CNTNAP5: variants seen among roughly 807,000 people sequenced by gnomAD.
CNTNAP5 encodes contactin-associated protein-like 5.
A neutral mutation model predicts 150.2 loss-of-function variants in CNTNAP5; 72 were observed. The ratio of observed to expected loss-of-function variants is 0.48; its 90% CI spans 0.40 to 0.58. The LOEUF is 0.58. CNTNAP5 is among the 20% of genes least tolerant of loss of function. The probability of loss-of-function intolerance (pLI) is 0.00; values close to 1 mark genes in which losing one functional copy is unlikely to be tolerated. For synonymous variants in CNTNAP5, 672 were observed against 619.8 expected, an observed-to-expected ratio of 1.08 and a Z score of -1.25; for missense variants, 1,636 against 1,626.2, an observed-to-expected ratio of 1.01 and a Z score of -0.10.
intron 10 of CNTNAP5, among the ~76,000 whole-genome samples, chr2:124,531,521 G>C (rs911482593): frequency 6.6e-6 from 1 of 152,220 alleles, no homozygotes; most frequent in Admixed American, 6.5e-5. Flanking sequence ...GGCACTGAGA[G>C]AGTGAGACTG....
At chr2:124,807,258 T>C (rs955385160) in intron 19 of CNTNAP5, among the ~76,000 whole-genome samples, 15 of 152,176 alleles carry the variant, frequency 9.9e-5, no homozygotes, top group Admixed American at 9.8e-4. Flanking sequence ...AATAAGTAGT[T>C]TGACCTCTCG....
chr2:124,234,662 C>A (rs1365198147), intron 2 of CNTNAP5, among the ~76,000 whole-genome samples: 1 of 152,074 alleles, frequency 6.6e-6, no homozygotes, highest in Non-Finnish European at 1.5e-5. Flanking sequence ...CTTCCCAGCC[C>A]AGACTGCCCT....
chr2:124,829,599 T>TA (rs377489033), intron 19 of CNTNAP5, among the ~76,000 whole-genome samples: 64 of 148,556 alleles, frequency 4.3e-4, no homozygotes, highest in Middle Eastern at 3.4e-3. Flanking sequence ...AATTAGAAAT[T>TA]AAAAAAAAAA....
intron 12 of CNTNAP5, among the ~76,000 whole-genome samples, chr2:124,623,391 G>A (rs1391333151): frequency 6.6e-6 from 1 of 152,134 alleles, no homozygotes; most frequent in African/African-American, 2.4e-5. Context: ...AATGTTTGAA[G>A]GGCATGGTTG....
chr2:124,867,167 A>G (rs1677650220), intron 20 of CNTNAP5, among the ~76,000 whole-genome samples: 1 of 152,136 alleles, frequency 6.6e-6, no homozygotes. Flanking sequence ...CCCAAAGCCT[A>G]AAACAAATAA....
chr2:124,109,520 C>T (rs75040339), intron 1 of CNTNAP5, among the ~76,000 whole-genome samples: 7,657 of 152,272 alleles, frequency 0.05, 289 homozygotes, highest in South Asian at 0.15. Context: ...AGATAACAAG[C>T]GTATCCTGGA....
At chr2:124,370,871 CAA>C (rs1690507250) in intron 3 of CNTNAP5, among the ~76,000 whole-genome samples, 1 of 152,056 alleles carries the variant, frequency 6.6e-6, no homozygotes. Context: ...TTATGTGACA[CAA>C]GAGTTGTCAG....
At chr2:124,593,391 T>A (rs1199042406) in intron 11 of CNTNAP5, among the ~76,000 whole-genome samples, 2 of 107,878 alleles carry the variant, frequency 1.9e-5, no homozygotes, top group African/African-American at 7.0e-5. Context: ...CGGTGTTTGG[T>A]TTTTTGTTCT....
At chr2:124,637,627 A>G (rs1209268578) in intron 12 of CNTNAP5, among the ~76,000 whole-genome samples, 1 of 152,124 alleles carries the variant, frequency 6.6e-6, no homozygotes, top group African/African-American at 2.4e-5. Flanking sequence ...TTTCCTCCCA[A>G]TATGGTAGGG....
chr2:124,537,021 G>GGTGTGTGT (rs1041910395), intron 10 of CNTNAP5, among the ~76,000 whole-genome samples: 1 of 151,312 alleles, frequency 6.6e-6, no homozygotes, highest in African/African-American at 2.4e-5. Flanking sequence ...GACAATGTGT[G>GGTGTGTGT]GTGTGTGTGT....
At chr2:124,706,253 A>G (rs1435011436) in intron 13 of CNTNAP5, among the ~76,000 whole-genome samples, 1 of 152,146 alleles carries the variant, frequency 6.6e-6, no homozygotes, top group African/African-American at 2.4e-5. Context: ...AGAAAAAAAA[A>G]GACAGAATTT....
chr2:124,341,538 T>A (rs1355358518), intron 3 of CNTNAP5, among the ~76,000 whole-genome samples: 1 of 152,182 alleles, frequency 6.6e-6, no homozygotes, highest in Admixed American at 6.5e-5. Flanking sequence ...TTTCTGGGAC[T>A]AGGTTGGTCC....
At chr2:124,650,455 C>T (rs1295638420) in intron 13 of CNTNAP5, among the ~76,000 whole-genome samples, 2 of 152,180 alleles carry the variant, frequency 1.3e-5, no homozygotes, top group African/African-American at 4.8e-5. Flanking sequence ...CATTTGTAGC[C>T]ACATGGATTC....
intron 19 of CNTNAP5, among the ~76,000 whole-genome samples, chr2:124,810,950 G>A (rs772335216): frequency 6.6e-6 from 1 of 152,130 alleles, no homozygotes; most frequent in Admixed American, 6.5e-5. Context: ...AGAATGTTAA[G>A]AATTTTAAAG....
intron 16 of CNTNAP5, among the ~76,000 whole-genome samples, chr2:124,767,131 C>T (rs983195193): frequency 6.6e-6 from 1 of 152,128 alleles, no homozygotes; most frequent in African/African-American, 2.4e-5. Flanking sequence ...ATAGACCAGG[C>T]ACTTGGAAAG....
chr2:124,467,119 A>G lies in CNTNAP5; in HGVS notation c.919-7620A>G, dbSNP rs529827874. Among the ~76,000 whole-genome samples the G allele has an allele frequency of 2.6e-5, 4 of 152,346 alleles. No individual in the cohort carries two copies. The East Asian group carries it at 7.7e-4, about 29-fold the overall frequency. On this transcript the variant is annotated intron_variant, in intron 6 of 23. Coordinates refer to ENST00000682447, the MANE Select transcript of CNTNAP5 (RefSeq NM_001367498.1). ...AAAAACACATACTAACCCCATGTGTATAGCACATAAAATATCAATAAATGC... is the reference window on the plus strand; with the variant it reads ...AAAAACACATACTAACCCCATGTGTGTAGCACATAAAATATCAATAAATGC...
intron 3 of CNTNAP5, among the ~76,000 whole-genome samples, chr2:124,288,639 A>G (rs1231045726): frequency 6.6e-6 from 1 of 152,144 alleles, no homozygotes; most frequent in African/African-American, 2.4e-5. Context: ...GATTCTTGCT[A>G]TTTTAATTAA....
At chr2:124,199,325 T>A (rs1020079728) in intron 1 of CNTNAP5, among the ~76,000 whole-genome samples, 41 of 151,954 alleles carry the variant, frequency 2.7e-4, no homozygotes, top group Non-Finnish European at 4.6e-4. Context: ...AGGAAAAAAA[T>A]TATTTCTATT....
chr2:124,128,706 A>G (rs1170001242), intron 1 of CNTNAP5, among the ~76,000 whole-genome samples: 1 of 152,220 alleles, frequency 6.6e-6, no homozygotes, highest in African/African-American at 2.4e-5. Context: ...TGTGTCACGT[A>G]TACACCATGG....
Sources: allele counts gnomAD v4.1 joint callset (sites outside exome capture counted in the v4.1 genomes callset), GRCh38; gene constraint gnomAD v4.1.1; transcripts MANE v1.5; gene names NCBI Gene and HGNC (gene_info 2026-07-23, HGNC 2026-07-21).